ABCB10: variants seen among roughly 807,000 people sequenced by gnomAD.
The protein encoded by ABCB10 is ATP-binding cassette sub-family B member 10, mitochondrial.
In ABCB10, 54 loss-of-function variants were observed where a neutral mutation model predicts 65.4. The ratio of observed to expected loss-of-function variants is 0.83; its 90% CI spans 0.66 to 1.04. ABCB10 has a LOEUF of 1.04. Ranked by LOEUF, ABCB10 falls within the 50% of genes least tolerant of loss-of-function variation. ABCB10 has a pLI of 0.00. For synonymous variants in ABCB10, 418 were observed against 406.5 expected, an observed-to-expected ratio of 1.03 and a Z score of -0.34; for missense variants, 846 against 976.6, an observed-to-expected ratio of 0.87 and a Z score of 1.78.
At chr1:229,548,043 C>A (rs1004983568) in intron 2 of ABCB10, among the ~76,000 whole-genome samples, 3 of 151,576 alleles carry the variant, frequency 2.0e-5, no homozygotes, top group African/African-American at 7.3e-5. Flanking sequence ...GCTCTATCAC[C>A]CAGGCCTGAA....
chr1:229,539,692 A>G, intron 5 of ABCB10, 101 bp from the exon 6 acceptor site: 1 of 1,374,118 alleles, frequency 7.3e-7, no homozygotes, highest in Non-Finnish European at 9.8e-7. Context: ...TTCAACTGTC[A>G]CAGCAAGATT....
intron 8 of ABCB10, among the ~76,000 whole-genome samples, chr1:229,528,713 T>C (rs1662499982): frequency 6.6e-6 from 1 of 151,780 alleles, no homozygotes; most frequent in Admixed American, 6.6e-5. Flanking sequence ...TAATAAATAG[T>C]GACAGGGTCT....
chr1:229,557,537 T>C (rs1377120226), intron 1 of ABCB10, among the ~76,000 whole-genome samples: 2 of 152,236 alleles, frequency 1.3e-5, no homozygotes, highest in African/African-American at 4.8e-5. Context: ...ATTTAAATTT[T>C]GTTTCTAAAA....
chr1:229,548,936 C>T (rs1328781563), intron 2 of ABCB10, among the ~76,000 whole-genome samples: 6 of 152,326 alleles, frequency 3.9e-5, no homozygotes, highest in East Asian at 3.9e-4. Context: ...GCTGGGATTA[C>T]AGGCATGAGC....
intron 5 of ABCB10, among the ~76,000 whole-genome samples, chr1:229,540,120 G>A (rs1662809166): frequency 6.6e-6 from 1 of 152,162 alleles, no homozygotes; most frequent in Admixed American, 6.5e-5. Flanking sequence ...ACACATATCT[G>A]GAATTTGCCC....
chr1:229,521,107 T>C (rs1314941640), intron 11 of ABCB10, among the ~76,000 whole-genome samples: 1 of 152,038 alleles, frequency 6.6e-6, no homozygotes, highest in Non-Finnish European at 1.5e-5. Context: ...AGAAGAACAG[T>C]TGTATAACAA....
intron 1 of ABCB10, among the ~76,000 whole-genome samples, chr1:229,551,100 C>T (rs1663103511): frequency 6.6e-6 from 1 of 152,142 alleles, no homozygotes; most frequent in Non-Finnish European, 1.5e-5. Context: ...TGTTATATAA[C>T]CTTAATAAAG....
chr1:229,551,581 A>T (rs888644496), intron 1 of ABCB10, among the ~76,000 whole-genome samples: 1 of 152,228 alleles, frequency 6.6e-6, no homozygotes, highest in African/African-American at 2.4e-5. Context: ...GCAGCTCATA[A>T]AGTCCATATG....
intron 8 of ABCB10, among the ~76,000 whole-genome samples, chr1:229,529,295 CAAAAAAAAAAAAA>C (rs59264291): frequency 1.9e-3 from 44 of 23,128 alleles, no homozygotes; most frequent in African/African-American, 5.4e-3. Context: ...GACTCCGTCT[CAAAAAAAAAAAAA>C]AAAAAAAAAA....
At chr1:229,531,832 ATC>A in intron 6 of ABCB10, 101 bp from the exon 7 acceptor site, 7 of 879,480 alleles carry the variant, frequency 8.0e-6, no homozygotes, top group Non-Finnish European at 1.0e-5. Flanking sequence ...TTAATATAAA[ATC>A]TGTTATTAAT....
intron 10 of ABCB10, among the ~76,000 whole-genome samples, chr1:229,523,854 GT>G (rs1558118639): frequency 1.3e-5 from 2 of 152,080 alleles, no homozygotes; most frequent in Non-Finnish European, 2.9e-5. Context: ...GTTTACACTG[GT>G]TTTCTGCCCC....
chr1:229,535,482 C>T (rs112112317), intron 6 of ABCB10, among the ~76,000 whole-genome samples: 2,461 of 152,282 alleles, frequency 0.016, 31 homozygotes, highest in Middle Eastern at 0.031. Context: ...TCAAATGCTA[C>T]ATACTGCAAG....
chr1:229,555,338 A>G (rs1431269188), intron 1 of ABCB10, among the ~76,000 whole-genome samples: 1 of 138,850 alleles, frequency 7.2e-6, no homozygotes, highest in Non-Finnish European at 1.7e-5. Flanking sequence ...TGCATCTTTT[A>G]AGAGTCCTTC....
chr1:229,539,568 G>C lies in ABCB10; in HGVS notation c.1227C>G (p.Ile409Met), dbSNP rs568277242. Residue 409 changes from isoleucine (I) to methionine (M), a missense_variant, in exon 6 of 13, where the codon ATC (isoleucine) becomes ATG (methionine). Ile to Met is a conservative substitution (Grantham distance 10). Transcript: ENST00000344517. ...FGATGLSGNL[I>M]VLSVLYKGGL... The stretch of plus-strand genomic sequence containing the variant: ...CTCCTTTGTACAGGACAGAAAGCAC[G>C]ATCAGGTTTCCGGAGAGCCCAGTCT... 6.2e-7 allele frequency: 1 copy of C among 1,613,946 alleles called. No homozygotes were observed. Among genetic ancestry groups the C allele is most frequent in the South Asian group, 1.1e-5 (1 of 91,032 alleles).
intron 6 of ABCB10, among the ~76,000 whole-genome samples, chr1:229,534,714 CA>C (rs548964973): frequency 1.3e-5 from 2 of 151,050 alleles, no homozygotes; most frequent in Non-Finnish European, 3.0e-5. Flanking sequence ...ACTAAAAATA[CA>C]AAAAAAATAG....
chr1:229,551,745 G>A (rs899816791), intron 1 of ABCB10, among the ~76,000 whole-genome samples: 7 of 152,232 alleles, frequency 4.6e-5, no homozygotes, highest in African/African-American at 1.7e-4. Context: ...AGGACAGGGA[G>A]TGTGTCTAAC....
In ABCB10 at chr1:229,517,529, G is replaced by T. The variant is rs547125291; in HGVS notation, c.*650C>A. 2 of 152,274 alleles carry T rather than the reference G, an allele frequency of 1.3e-5. No homozygotes were observed. Among genetic ancestry groups the T allele is most frequent in the African/African-American group, 4.8e-5 (2 of 41,552 alleles). 9.4% of individuals were successfully genotyped at this position (152,274 alleles called of 1,614,324 possible). A position where few individuals can be genotyped will look rare whatever the true frequency, so the allele number is the denominator to read the frequency against. On this transcript the variant is annotated 3_prime_UTR_variant, in exon 13 of 13. Coordinates refer to ENST00000344517, the MANE Select transcript of ABCB10 (RefSeq NM_012089.3). ...TTCTGCCCTTTTAAAAACTTGTCAG[G>T]CTTTCATGTGCCAAAATGTTGAAAA...
At chr1:229,529,951 G>C (rs75195256) in intron 8 of ABCB10, among the ~76,000 whole-genome samples, 4,690 of 152,190 alleles carry the variant, frequency 0.031, 194 homozygotes, top group African/African-American at 0.093. Flanking sequence ...AGGTAGATCT[G>C]GGGAAGTCAC....
Position 229,518,324 on chromosome 1 carries a change from C to T in ABCB10, c.2072G>A (p.Arg691His), listed in dbSNP as rs1409956628. Residue 691 changes from arginine (R) to histidine (H), a missense_variant, in exon 13 of 13, where the codon CGT becomes CAT. Coordinates refer to ENST00000344517, the MANE Select transcript of ABCB10 (RefSeq NM_012089.3). ...ATTAGCATTCTTAATGGTGGACAGA[C>T]GATGGGCAATAACTAACACCGTTCT... ...DGRTVLVIAH[R>H]LSTIKNANMV... 1.9e-6 allele frequency: 3 copies of T among 1,614,176 alleles called. No homozygotes were observed. The highest frequency in any genetic ancestry group is 2.5e-6 in the Non-Finnish European group (3 of 1,180,032).
Sources: gnomAD v4.1 joint callset for allele counts (sites outside exome capture counted in the v4.1 genomes callset) on GRCh38, gnomAD v4.1.1 for gene constraint, MANE v1.5 for transcripts, NCBI Gene and HGNC (gene_info 2026-07-23, HGNC 2026-07-21) for gene names.